VPS13D: variants seen among roughly 807,000 people sequenced by gnomAD.
VPS13D encodes the protein vacuolar protein sorting 13 homolog D.
A neutral mutation model predicts 461.9 loss-of-function variants in VPS13D; 187 were observed. That is an observed-to-expected ratio of 0.40 (90% CI 0.36 to 0.46). VPS13D has a LOEUF of 0.46. Ranked by LOEUF, VPS13D falls within the 20% of genes least tolerant of loss-of-function variation. VPS13D has a pLI of 0.60. For synonymous variants in VPS13D, 1,951 were observed against 1,986.3 expected, an observed-to-expected ratio of 0.98 and a Z score of 0.47; for missense variants, 4,711 against 5,364.9, an observed-to-expected ratio of 0.88 and a Z score of 3.81.
At position 12,366,067 on chromosome 1, in the gene VPS13D, T is replaced by TA. The variant is rs1023660732; in HGVS notation, c.10449-2388dup. On this transcript the variant is annotated intron_variant, in intron 52 of 69. Transcript: ENST00000620676. ...CATGCACCACCATGCCTGGCTAATT[T>TA]AAAAAAAAAAAAATAGAAAAAAGTA... is the stretch of plus-strand genomic sequence containing the variant. Among the ~76,000 whole-genome samples the TA allele has an allele frequency of 1.3e-3, 186 of 143,980 alleles. 4 individuals are homozygous for TA. Among genetic ancestry groups the TA allele is most frequent in the South Asian group, 8.8e-4 (4 of 4,552 alleles). The allele number at this position is 143,980 out of a possible 152,430, so 94.5% of individuals were successfully genotyped here.
intron 60 of VPS13D, among the ~76,000 whole-genome samples, chr1:12,398,352 A>G (rs1418314829): frequency 6.6e-6 from 1 of 151,894 alleles, no homozygotes; most frequent in African/African-American, 2.4e-5. Context: ...CAAGTAGTTT[A>G]ACTTTTTTTT....
chr1:12,487,636 C>G (rs894702286), intron 67 of VPS13D, among the ~76,000 whole-genome samples: 5 of 149,982 alleles, frequency 3.3e-5, no homozygotes, highest in Non-Finnish European at 7.4e-5. Context: ...GCAAACAAAT[C>G]ACAAAGCAGG....
At chr1:12,478,380 G>A (rs916785344) in intron 67 of VPS13D, among the ~76,000 whole-genome samples, 2 of 152,200 alleles carry the variant, frequency 1.3e-5, no homozygotes, top group Non-Finnish European at 2.9e-5. Flanking sequence ...AAAGGGGGAG[G>A]TTCTGTGTCC....
intron 2 of VPS13D, among the ~76,000 whole-genome samples, chr1:12,238,370 T>G (rs1179655931): frequency 6.7e-6 from 1 of 150,112 alleles, no homozygotes; most frequent in African/African-American, 2.5e-5. Flanking sequence ...CCCAAGAGTT[T>G]GAGGCTGCAG....
At chr1:12,387,764 A>G (rs1442598652) in intron 60 of VPS13D, among the ~76,000 whole-genome samples, 3 of 152,270 alleles carry the variant, frequency 2.0e-5, no homozygotes, top group East Asian at 1.9e-4. Flanking sequence ...GAAGGAAACT[A>G]TACCAAGGCA....
chr1:12,267,757 T>C (rs1641316137), intron 14 of VPS13D, 88 bp from the exon 15 acceptor site: 4 of 1,108,284 alleles, frequency 3.6e-6, no homozygotes, highest in Admixed American at 1.7e-5. Flanking sequence ...GCTAAGGGAG[T>C]GTGTTGCTGA....
At position 12,329,847 on chromosome 1, in the gene VPS13D, G is replaced by T. The variant is rs762329183; in HGVS notation, c.8216G>T (p.Arg2739Leu). 2 of 1,614,074 alleles carry T rather than the reference G, an allele frequency of 1.2e-6. No homozygotes were observed. The highest frequency in any genetic ancestry group is 2.2e-5 in the East Asian group (1 of 44,888). ...ATTGCAGGTCTGAATTTTCTTCAGC[G>T]TGTAAGAACTAGCCCTGAAGGCTAT... ...LTFSRLNFLQRVRTSPEGYAH... is the reference protein window; with the variant it reads ...LTFSRLNFLQLVRTSPEGYAH... Residue 2739 changes from arginine to leucine, a missense_variant, in exon 37 of 70, where the codon CGT becomes CTT. This residue lies in a region of VPS13D where 4,411 missense variants were observed against 4,937.8 expected (regional missense o/e 0.89). Coordinates refer to ENST00000620676, the MANE Select transcript of VPS13D (RefSeq NM_015378.4).
rs1209289808 is a variant in VPS13D at position 12,352,929 on chromosome 1, C to CACT, written c.9432-1044_9432-1042dup. ...GCAGTGAGCCAAGATAGCACTATTGCACTCCAGCCTGGGCAATAAGAGTGA... is the reference window on the plus strand; with the variant it reads ...GCAGTGAGCCAAGATAGCACTATTGCACTACTCCAGCCTGGGCAATAAGAGTGA... On this transcript the variant is annotated intron_variant, in intron 46 of 69. Coordinates refer to ENST00000620676, the MANE Select transcript of VPS13D (RefSeq NM_015378.4). Among the ~76,000 whole-genome samples, 8 of 122,988 alleles carry CACT rather than the reference C, an allele frequency of 6.5e-5. No homozygotes were observed. The East Asian group carries it at 2.1e-3, about 32-fold the overall frequency. 80.7% of individuals were successfully genotyped at this position (122,988 alleles called of 152,430 possible). A position where few individuals can be genotyped will look rare whatever the true frequency, so the allele number is the denominator to read the frequency against.
At chr1:12,330,568 T>G (rs1284310242) in intron 37 of VPS13D, among the ~76,000 whole-genome samples, 1 of 152,094 alleles carries the variant, frequency 6.6e-6, no homozygotes, top group African/African-American at 2.4e-5. Flanking sequence ...CCCACAAGCA[T>G]TTTTTTGTTT....
intron 67 of VPS13D, among the ~76,000 whole-genome samples, chr1:12,491,927 C>T (rs145461796): frequency 6.6e-6 from 1 of 152,204 alleles, no homozygotes; most frequent in Non-Finnish European, 1.5e-5. Context: ...TACCGCAGAC[C>T]TTTGGCCAAA....
intron 63 of VPS13D, among the ~76,000 whole-genome samples, chr1:12,413,795 A>T (rs1161754527): frequency 8.1e-5 from 12 of 148,274 alleles, no homozygotes; most frequent in African/African-American, 3.0e-4. Context: ...TTTTTTTTTT[A>T]AACGATCTAT....
intron 26 of VPS13D, among the ~76,000 whole-genome samples, chr1:12,306,014 C>T (rs1032913246): frequency 6.6e-6 from 1 of 151,628 alleles, no homozygotes; most frequent in Non-Finnish European, 1.5e-5. Flanking sequence ...GATGGAGTCT[C>T]ACTCTGTTGC....
intron 19 of VPS13D, among the ~76,000 whole-genome samples, chr1:12,278,744 GCCT>G (rs1641693292): frequency 6.6e-6 from 1 of 152,194 alleles, no homozygotes; most frequent in South Asian, 2.1e-4. Flanking sequence ...AGCCCAAGAT[GCCT>G]CAAGGGGTTG....
At chr1:12,442,337 A>G (rs1277229916) in intron 65 of VPS13D, among the ~76,000 whole-genome samples, 3 of 152,162 alleles carry the variant, frequency 2.0e-5, no homozygotes, top group Non-Finnish European at 4.4e-5. Context: ...ATTGTATAGC[A>G]TATCTTAATC....
At chr1:12,395,896 TGAAA>T (rs1644488520) in intron 60 of VPS13D, among the ~76,000 whole-genome samples, 1 of 149,332 alleles carries the variant, frequency 6.7e-6, no homozygotes, top group Non-Finnish European at 1.5e-5. Flanking sequence ...CCAAAGCCAA[TGAAA>T]GAACTCCATC....
Position 12,256,490 on chromosome 1 carries a change from T to A in VPS13D, c.827T>A (p.Leu276Ter). The A allele has an allele frequency of 6.2e-7, 1 of 1,614,056 alleles. No homozygotes were observed. Among genetic ancestry groups the A allele is most frequent in the Non-Finnish European group, 8.5e-7 (1 of 1,179,972 alleles). ...DCDIQLETIP[L>*]KLSQLQYRQI... ...GATATTCAGCTGGAGACCATTCCCT[T>A]GAAACTCTCTCAGGTATGCCCTTTC... The change falls in exon 8 of 70, where the codon TTG becomes TAG. Residue 276 changes from leucine to a stop codon, truncating the protein, a stop_gained. Transcript: ENST00000620676. LOFTEE classifies it high-confidence loss of function.
At chr1:12,365,595 T>C (rs1644023502) in intron 52 of VPS13D, among the ~76,000 whole-genome samples, 1 of 151,568 alleles carries the variant, frequency 6.6e-6, no homozygotes, top group Admixed American at 6.6e-5. Context: ...TCCCAGCTAC[T>C]CAGGAGGCTG....
rs1641718122 is a variant in VPS13D at position 12,279,623 on chromosome 1, T to C, written c.4575T>C (p.Ile1525=). 1 of 1,612,016 alleles carries C rather than the reference T, an allele frequency of 6.2e-7. No homozygotes were observed. Among genetic ancestry groups the C allele is most frequent in the African/African-American group, 1.3e-5 (1 of 74,918 alleles). Residue 1525 remains isoleucine (I), a synonymous_variant, in exon 20 of 70, where the codon ATT becomes ATC. Transcript: ENST00000620676. The surrounding 1 kb of genome is among the most constrained non-coding windows in gnomAD (Gnocchi z 4.3). ...DDLGTSSIMK[I]EGKFVNPVQV... is the part of the protein sequence containing the mutation. ...TGGGAACTTCTAGCATCATGAAGAT[T>C]GAAGGAAAATTTGTCAATCCAGTTC...
chr1:12,311,090 A>AT (rs926862779), intron 27 of VPS13D, among the ~76,000 whole-genome samples: 3 of 151,564 alleles, frequency 2.0e-5, no homozygotes, highest in South Asian at 4.2e-4. Flanking sequence ...TAATTTTTGC[A>AT]TTTTTTGTAG....
Sources: gnomAD v4.1 joint callset for allele counts (sites outside exome capture counted in the v4.1 genomes callset) on GRCh38, gnomAD v4.1.1 for gene constraint, gnomAD v4.1.1 regional missense constraint, Gnocchi (gnomAD v3.1) non-coding constraint, MANE v1.5 for transcripts, NCBI Gene and HGNC (gene_info 2026-07-23, HGNC 2026-07-21) for gene names.